The following TM7SF3 variants were observed in gnomAD, a reference collection of about 807,000 sequenced individuals.
TM7SF3 encodes transmembrane 7 superfamily member 3, also known as seven span transmembrane protein.
In TM7SF3, 60 loss-of-function variants were observed where a neutral mutation model predicts 65.5. That is an observed-to-expected ratio of 0.92 (90% CI 0.74 to 1.14). TM7SF3 has a LOEUF of 1.14. Ranked by LOEUF, TM7SF3 falls within the 50% of genes most tolerant of loss-of-function variation. The pLI, the probability that TM7SF3 is intolerant of heterozygous loss-of-function variation, is 0.00. For missense variants in TM7SF3, 623 were observed against 684.8 expected, an observed-to-expected ratio of 0.91 and a Z score of 1.01; for synonymous variants, 264 against 259.6, an observed-to-expected ratio of 1.02 and a Z score of -0.16.
intron 6 of TM7SF3, among the ~76,000 whole-genome samples, chr12:26,986,977 C>T (rs1940127873): frequency 6.6e-6 from 1 of 152,216 alleles, no homozygotes; most frequent in Non-Finnish European, 1.5e-5. Context: ...TGCAGCTTCT[C>T]AGCCCATTGG....
chr12:26,975,467 A>T (rs1210769515), intron 11 of TM7SF3, 29 bp downstream of exon 11: 5 of 1,613,212 alleles, frequency 3.1e-6, no homozygotes, highest in East Asian at 2.2e-5. Flanking sequence ...CTGTGCTGTC[A>T]CACTGGTTTT....
chr12:26,996,040 G>GC (rs1940580890), intron 4 of TM7SF3, among the ~76,000 whole-genome samples: 2 of 152,024 alleles, frequency 1.3e-5, no homozygotes, highest in South Asian at 2.1e-4. Context: ...AAAGCTGGGT[G>GC]CAGTGGCTTA....
chr12:27,009,430 T>A (rs896217169), intron 1 of TM7SF3, among the ~76,000 whole-genome samples: 1 of 151,916 alleles, frequency 6.6e-6, no homozygotes. Context: ...AGTTTCTCAA[T>A]TTATCTAAAG....
chr12:26,975,030 T>A (rs1939509426), intron 11 of TM7SF3, among the ~76,000 whole-genome samples: 1 of 152,228 alleles, frequency 6.6e-6, no homozygotes, highest in African/African-American at 2.4e-5. Context: ...AAATCTGTAA[T>A]GGATAGAATC....
In TM7SF3 at chr12:26,975,635, G is replaced by T. The variant is rs767203470; in HGVS notation, c.1311C>A (p.Val437=). 6.2e-7 allele frequency: 1 copy of T among 1,612,514 alleles called. No individual in the cohort carries two copies. The highest frequency in any genetic ancestry group is 8.5e-7 in the Non-Finnish European group (1 of 1,179,812). Residue 437 remains valine, a synonymous_variant, in exon 11 of 12, where the codon GTC becomes GTA. Coordinates refer to ENST00000343028, the MANE Select transcript of TM7SF3 (RefSeq NM_016551.3). The part of the protein sequence containing the change: ...LRILNILTCG[V]IGSYSVVLAI... ...CTAAAACCACCGAATAGGAGCCAAT[G>T]ACTCCACAAGTCAGTATGTTCAGCT...
intron 1 of TM7SF3, among the ~76,000 whole-genome samples, chr12:27,007,074 G>C (rs1941067759): frequency 1.3e-5 from 2 of 152,144 alleles, no homozygotes; most frequent in Non-Finnish European, 2.9e-5. Context: ...AAGATATCCA[G>C]AAATAAAAAC....
intron 1 of TM7SF3, chr12:27,012,873 CTG>C (rs940536891): frequency 3.8e-5 from 14 of 370,358 alleles, no homozygotes; most frequent in Non-Finnish European, 6.9e-5. Flanking sequence ...TGGCGGGCGC[CTG>C]TAATCCCAGC....
At position 27,014,005 on chromosome 12, in the gene TM7SF3, C is replaced by T; in HGVS notation, c.91+73G>A. On this transcript the variant is annotated intron_variant, in intron 1 of 11. Coordinates refer to ENST00000343028, the MANE Select transcript of TM7SF3 (RefSeq NM_016551.3). ...CATCTCCCTGCTAGGCTGACAGACC[C>T]CTGGCGGATTTTGACCTCGCAAGAA... The T allele has an allele frequency of 4.7e-6, 6 of 1,289,634 alleles. No individual in the cohort carries two copies. The South Asian group carries it at 7.6e-5, about 16-fold the overall frequency. 79.9% of individuals were successfully genotyped at this position (1,289,634 alleles called of 1,614,324 possible).
rs1241560322 is a variant in TM7SF3 at position 27,003,321 on chromosome 12, A to G, written c.161T>C (p.Ile54Thr). Residue 54 changes from isoleucine to threonine, a missense_variant, in exon 2 of 12, where the codon ATT becomes ACT. Physicochemically the swap from Ile to Thr is moderately conservative, Grantham distance 89. Coordinates refer to ENST00000343028, the MANE Select transcript of TM7SF3 (RefSeq NM_016551.3). ...ELNRPFPEEA[I>T]LHDISSNVTF... ...CACATTGCTTGAAATATCATGCAAA[A>G]TAGCTTCCTCTGGAAAGGGCCTATT... 1 of 1,613,596 alleles carries G rather than the reference A, an allele frequency of 6.2e-7. No homozygotes were observed. The highest frequency in any genetic ancestry group is 1.7e-5 in the Admixed American group (1 of 60,024).
intron 1 of TM7SF3, among the ~76,000 whole-genome samples, chr12:27,006,139 T>TC (rs2136449524): frequency 6.9e-6 from 1 of 144,774 alleles, no homozygotes; most frequent in South Asian, 2.2e-4. Context: ...TTTTTCTTTT[T>TC]CTTTTTTTTT....
chr12:26,985,047 A>C (rs911085581), intron 6 of TM7SF3, among the ~76,000 whole-genome samples: 1 of 152,200 alleles, frequency 6.6e-6, no homozygotes, highest in Non-Finnish European at 1.5e-5. Flanking sequence ...AGGAAGGTTC[A>C]ACTTTGGGCG....
At chr12:26,980,694 T>G in intron 7 of TM7SF3, 48 bp from the exon 8 acceptor site, 1 of 970,324 alleles carries the variant, frequency 1.0e-6, no homozygotes, top group East Asian at 2.5e-5. Flanking sequence ...CAACAAAAGC[T>G]ATGGTTAAGC....
rs767812265 is a variant in TM7SF3 at position 27,003,247 on chromosome 12, A to G, written c.235T>C (p.Ser79Pro). ...TTCTTTGCACTTACCGGAGAAAAGG[A>G]AACAGTTGTATTCTGATACTGTGAG... ...IHSQYQNTTV[S>P]FSPTLLSNSS... is the part of the protein sequence containing the mutation. Residue 79 changes from serine (S) to proline (P), a missense_variant, in exon 2 of 12, where the codon TCC becomes CCC. Physicochemically the swap from Ser to Pro is moderately conservative, Grantham distance 74. Transcript: ENST00000343028. 3.3e-5 allele frequency: 53 copies of G among 1,605,282 alleles called. No individual in the cohort carries two copies. The highest frequency in any genetic ancestry group is 4.3e-5 in the Non-Finnish European group (51 of 1,176,896).
At position 26,972,549 on chromosome 12, in the gene TM7SF3, G is replaced by T. The variant is rs1330104909; in HGVS notation, c.*1416C>A. 1.3e-5 allele frequency: 2 copies of T among 152,216 alleles called. No homozygotes were observed. The highest frequency in any genetic ancestry group is 4.8e-5 in the African/African-American group (2 of 41,346). The allele number at this position is 152,216 out of a possible 1,614,324, so 9.4% of individuals were successfully genotyped here. On this transcript the variant is annotated 3_prime_UTR_variant, in exon 12 of 12. Coordinates refer to ENST00000343028, the MANE Select transcript of TM7SF3 (RefSeq NM_016551.3). ...TCCTGCCTCAGCCTCCCGAGTAGCT[G>T]GGATTACAGGCACCTGCCACAATAC...
intron 5 of TM7SF3, among the ~76,000 whole-genome samples, chr12:26,993,708 A>T (rs916752803): frequency 6.6e-6 from 1 of 152,216 alleles, no homozygotes; most frequent in Non-Finnish European, 1.5e-5. Flanking sequence ...GAATTATTTC[A>T]TTGAGGGTCA....
chr12:26,992,948 C>T (rs529329184), intron 5 of TM7SF3, among the ~76,000 whole-genome samples: 55 of 133,400 alleles, frequency 4.1e-4, no homozygotes, highest in African/African-American at 1.3e-3. Flanking sequence ...CTCACTCTGT[C>T]GCCCAGGCTA....
Position 26,983,528 on chromosome 12 carries a change from T to G in TM7SF3, c.869-669A>C, listed in dbSNP as rs534132840. 7.5e-4 allele frequency: 340 copies of G among 454,566 alleles called. 1 individual carries two copies. Among genetic ancestry groups the G allele is most frequent in the Non-Finnish European group, 1.1e-3 (246 of 225,770 alleles). 28.2% of individuals were successfully genotyped at this position (454,566 alleles called of 1,614,324 possible). ...GTGAGTAACATGATGACCAGGGATT[T>G]GCTTTAAAATAATCCAGTGATAAAG... On this transcript the variant is annotated intron_variant, in intron 6 of 11. Coordinates refer to ENST00000343028, the MANE Select transcript of TM7SF3 (RefSeq NM_016551.3).
In TM7SF3 at chr12:26,974,179, G is replaced by A. The variant is rs756171490; in HGVS notation, c.1499C>T (p.Thr500Met). Residue 500 changes from threonine to methionine, a missense_variant, in exon 12 of 12, where the codon ACG (threonine) becomes ATG (methionine). By Grantham distance (81) the Thr-to-Met change is moderately conservative (BLOSUM62 -1). Transcript: ENST00000343028. ...VWGMLAVSGITLQIRRERGRP... is the reference protein window; with the variant it reads ...VWGMLAVSGIMLQIRRERGRP... ...TCCTCTCTCTCTTCGAATCTGTAACGTAATTCCACTTACAGCCAGCATGCC... is the reference window on the plus strand; with the variant it reads ...TCCTCTCTCTCTTCGAATCTGTAACATAATTCCACTTACAGCCAGCATGCC... 8.7e-6 allele frequency: 14 copies of A among 1,614,000 alleles called. No homozygotes were observed. The highest frequency in any genetic ancestry group is 2.2e-5 in the South Asian group (2 of 91,086).
chr12:27,010,168 G>A (rs530472819), intron 1 of TM7SF3, among the ~76,000 whole-genome samples: 1 of 152,336 alleles, frequency 6.6e-6, no homozygotes, highest in African/African-American at 2.4e-5. Context: ...TCAGTTGGCT[G>A]CTGAAAGTAT....
Sources: allele counts gnomAD v4.1 joint callset (sites outside exome capture counted in the v4.1 genomes callset), GRCh38; gene constraint gnomAD v4.1.1; transcripts MANE v1.5; gene names NCBI Gene and HGNC (gene_info 2026-07-23, HGNC 2026-07-21).